Variants in CDH13 observed in about 807,000 individuals in gnomAD.
CDH13 encodes the protein cadherin 13, also known as cadherin-13.
Under a neutral mutation model 63.8 loss-of-function variants are expected in CDH13, and 24 were observed. The observed-to-expected ratio is 0.38, with a 90% CI of 0.27 to 0.53. CDH13 has a LOEUF of 0.53. Among genes scored for constraint, CDH13 ranks in the 20% least tolerant of loss-of-function variants. CDH13 has a pLI of 0.85. For synonymous variants in CDH13, 503 were observed against 355.3 expected (o/e 1.42, Z -4.67); for missense variants, 1,049 against 903.1 (o/e 1.16, Z -2.07).
At chr16:83,142,242 C>T (rs1402912646) in intron 4 of CDH13, among the ~76,000 whole-genome samples, 2 of 150,228 alleles carry the variant, frequency 1.3e-5, no homozygotes, top group African/African-American at 4.9e-5. Flanking sequence ...CTCACCACAG[C>T]CTCCGCCTTC....
intron 6 of CDH13, among the ~76,000 whole-genome samples, chr16:83,462,358 T>A (rs543665786): frequency 6.6e-6 from 1 of 152,378 alleles, no homozygotes; most frequent in South Asian, 2.1e-4. Flanking sequence ...TTCAGTTATA[T>A]AGTCTCAAGT....
chr16:82,840,694 A>C (rs886313054), intron 1 of CDH13, among the ~76,000 whole-genome samples: 1 of 151,792 alleles, frequency 6.6e-6, no homozygotes, highest in Non-Finnish European at 1.5e-5. Flanking sequence ...CAAAAAAAAA[A>C]AAAAAAAAGA....
At chr16:82,932,718 T>G (rs2042538535) in intron 2 of CDH13, among the ~76,000 whole-genome samples, 1 of 152,220 alleles carries the variant, frequency 6.6e-6, no homozygotes, top group Non-Finnish European at 1.5e-5. Context: ...GTTGAAACAT[T>G]TGATATGCTG....
At chr16:83,196,175 G>C (rs2038873125) in intron 4 of CDH13, among the ~76,000 whole-genome samples, 2 of 152,150 alleles carry the variant, frequency 1.3e-5, no homozygotes, top group Non-Finnish European at 2.9e-5. Context: ...AGAATCACTT[G>C]AACCCGGGAG....
intron 2 of CDH13, among the ~76,000 whole-genome samples, chr16:82,971,957 G>A (rs1908818773): frequency 1.3e-5 from 2 of 152,168 alleles, no homozygotes; most frequent in Admixed American, 1.3e-4. Context: ...TCAGCTACTT[G>A]AGGCACTAAC....
At chr16:83,531,029 T>C (rs1044876516) in intron 7 of CDH13, among the ~76,000 whole-genome samples, 13 of 152,230 alleles carry the variant, frequency 8.5e-5, no homozygotes, top group African/African-American at 3.1e-4. Context: ...TGTGTTTTCA[T>C]GGGATAGTTA....
intron 2 of CDH13, among the ~76,000 whole-genome samples, chr16:82,892,579 G>A (rs1597154560): frequency 6.6e-6 from 1 of 152,304 alleles, no homozygotes; most frequent in Non-Finnish European, 1.5e-5. Context: ...TTATTTCAAT[G>A]TACAAATTAT....
intron 6 of CDH13, among the ~76,000 whole-genome samples, chr16:83,453,712 T>C (rs1350646521): frequency 6.6e-6 from 1 of 152,242 alleles, no homozygotes; most frequent in African/African-American, 2.4e-5. Flanking sequence ...TTCTCTGCCG[T>C]ACTCCCGAAC....
chr16:83,228,486 C>G (rs975774834), intron 5 of CDH13, among the ~76,000 whole-genome samples: 1 of 152,186 alleles, frequency 6.6e-6, no homozygotes, highest in African/African-American at 2.4e-5. Context: ...CACACGCTAG[C>G]TGGGGCAATG....
intron 7 of CDH13, among the ~76,000 whole-genome samples, chr16:83,581,462 C>T (rs995782844): frequency 6.6e-6 from 1 of 152,324 alleles, no homozygotes; most frequent in Non-Finnish European, 1.5e-5. Flanking sequence ...AAAATATCCA[C>T]ATCTCCTCCT....
At chr16:83,117,913 G>A (rs927967093) in intron 3 of CDH13, among the ~76,000 whole-genome samples, 1 of 152,200 alleles carries the variant, frequency 6.6e-6, no homozygotes, top group East Asian at 1.9e-4. Context: ...GAAACAGGGA[G>A]GAAAGCAAAT....
intron 3 of CDH13, among the ~76,000 whole-genome samples, chr16:83,053,437 T>C (rs1451303885): frequency 6.6e-6 from 1 of 152,042 alleles, no homozygotes. Flanking sequence ...GCAGATAAGA[T>C]CAATTCACAG....
At chr16:82,949,462 T>A (rs6565090) in intron 2 of CDH13, among the ~76,000 whole-genome samples, 99,143 of 152,128 alleles carry the variant, frequency 0.65, 34,611 homozygotes, top group East Asian at 0.91. Flanking sequence ...TTTTGCAGAT[T>A]CCAGGGGTTA....
chr16:83,135,828 A>T (rs1244286461), intron 4 of CDH13, among the ~76,000 whole-genome samples: 1 of 152,230 alleles, frequency 6.6e-6, no homozygotes, highest in Non-Finnish European at 1.5e-5. Flanking sequence ...ATATGATGGA[A>T]TACTACTCAG....
chr16:83,088,148 C>G (rs188242957), intron 3 of CDH13, among the ~76,000 whole-genome samples: 1 of 152,162 alleles, frequency 6.6e-6, no homozygotes, highest in African/African-American at 2.4e-5. Context: ...GTGCACTCAC[C>G]TTTTGGCTCA....
chr16:83,074,067 C>T (rs2032645845), intron 3 of CDH13, among the ~76,000 whole-genome samples: 3 of 152,256 alleles, frequency 2.0e-5, no homozygotes, highest in Non-Finnish European at 4.4e-5. Context: ...CCGTACTTTA[C>T]TATTAACATT....
chr16:83,377,905 G>C (rs141721650), intron 6 of CDH13, among the ~76,000 whole-genome samples: 1,573 of 152,270 alleles, frequency 0.01, 13 homozygotes, highest in Middle Eastern at 0.024. Flanking sequence ...AAGCAGATAA[G>C]TTCTGAGAAA....
intron 2 of CDH13, among the ~76,000 whole-genome samples, chr16:82,947,050 T>C (rs1398256233): frequency 1.9e-5 from 2 of 103,436 alleles, no homozygotes; most frequent in African/African-American, 3.3e-5. Context: ...GTGTGTGTGA[T>C]GTTGTAAGAA....
At chr16:82,785,852 A>G (rs748845006) in intron 1 of CDH13, among the ~76,000 whole-genome samples, 2 of 152,216 alleles carry the variant, frequency 1.3e-5, no homozygotes, top group Admixed American at 6.5e-5. Flanking sequence ...AGTTACTTCT[A>G]TATAGAAGGG....
Sources: allele counts gnomAD v4.1 joint callset (sites outside exome capture counted in the v4.1 genomes callset), GRCh38; gene constraint gnomAD v4.1.1; transcripts MANE v1.5; gene names NCBI Gene and HGNC (gene_info 2026-07-23, HGNC 2026-07-21).